TNNI3K: variants seen among roughly 807,000 people sequenced by gnomAD.
TNNI3K encodes the protein serine/threonine-protein kinase TNNI3K.
A neutral mutation model predicts 114.5 loss-of-function variants in TNNI3K; 140 were observed. The observed-to-expected ratio is 1.22, with a 90% CI of 1.07 to 1.41. The LOEUF (loss-of-function observed/expected upper bound fraction) is 1.41, where lower values mean the gene tolerates loss of function less well. TNNI3K is among the 40% of genes most tolerant of loss of function. TNNI3K has a pLI of 0.00. For synonymous variants in TNNI3K, 347 were observed against 347.5 expected, an observed-to-expected ratio of 1.00 and a Z score of 0.02; for missense variants, 1,125 against 1,007.6, an observed-to-expected ratio of 1.12 and a Z score of -1.58.
chr1:74,391,085 G>A (rs1047207898), intron 17 of TNNI3K, among the ~76,000 whole-genome samples: 5 of 151,890 alleles, frequency 3.3e-5, no homozygotes, highest in Non-Finnish European at 4.4e-5. Context: ...TTTTTGAGCT[G>A]AAATCTTACT....
At chr1:74,521,463 C>G (rs1199091376) in intron 23 of TNNI3K, among the ~76,000 whole-genome samples, 1 of 128,080 alleles carries the variant, frequency 7.8e-6, no homozygotes. Flanking sequence ...AAATCCTTAC[C>G]TTATCTCTCT....
intron 11 of TNNI3K, among the ~76,000 whole-genome samples, chr1:74,362,884 G>A (rs1331387980): frequency 6.6e-6 from 1 of 152,090 alleles, no homozygotes; most frequent in Non-Finnish European, 1.5e-5. Flanking sequence ...GAGATTTCAA[G>A]CTGGGAGAAG....
intron 4 of TNNI3K, among the ~76,000 whole-genome samples, chr1:74,267,843 T>TA (rs1200628802): frequency 1.3e-5 from 2 of 151,830 alleles, no homozygotes; most frequent in Non-Finnish European, 2.9e-5. Context: ...TAATATACTT[T>TA]AAAAAAATTC....
At chr1:74,417,712 G>A (rs1421778643) in intron 17 of TNNI3K, among the ~76,000 whole-genome samples, 2 of 150,998 alleles carry the variant, frequency 1.3e-5, no homozygotes, top group East Asian at 2.0e-4. Context: ...GTGTGTGTGT[G>A]TGTGTGTGTG....
intron 23 of TNNI3K, among the ~76,000 whole-genome samples, chr1:74,509,738 T>A (rs1670081595): frequency 1.4e-5 from 2 of 145,858 alleles, no homozygotes; most frequent in South Asian, 4.3e-4. Flanking sequence ...TTTTGAGTGA[T>A]CTGAATTTCT....
chr1:74,470,450 C>T (rs1186677354), intron 21 of TNNI3K: 1 of 400,486 alleles, frequency 2.5e-6, no homozygotes, highest in African/African-American at 2.1e-5. Flanking sequence ...CTGTCAATTC[C>T]TTTTTCGCTA....
intron 20 of TNNI3K, among the ~76,000 whole-genome samples, chr1:74,446,947 T>G: frequency 9.8e-6 from 1 of 101,686 alleles, no homozygotes; most frequent in African/African-American, 3.7e-5. Context: ...ACTGTAGCCT[T>G]GTAGTATAGT....
Position 74,370,241 on chromosome 1 carries a change from T to C in TNNI3K, c.1668-47T>C, listed in dbSNP as rs370079695. The C allele has an allele frequency of 6.7e-6, 10 of 1,488,528 alleles. No homozygotes were observed. In the African/African-American group the frequency reaches 9.9e-5, roughly 15 times the overall value. The allele number at this position is 1,488,528 out of a possible 1,614,324, so 92.2% of individuals were successfully genotyped here. On this transcript the variant is annotated intron_variant, in intron 16 of 24. Transcript: ENST00000326637. ...TTACACATCATTTGCTTTTTTGATA[T>C]TCGTTTTGACCATTTCATCTCTGTT...
intron 23 of TNNI3K, among the ~76,000 whole-genome samples, chr1:74,536,417 C>T (rs996180574): frequency 6.6e-6 from 1 of 152,106 alleles, no homozygotes; most frequent in African/African-American, 2.4e-5. Context: ...ACCCCTAAAG[C>T]ATGAATTAAT....
intron 5 of TNNI3K, among the ~76,000 whole-genome samples, chr1:74,315,738 G>A (rs753311622): frequency 1.3e-5 from 2 of 151,956 alleles, no homozygotes; most frequent in Non-Finnish European, 2.9e-5. Flanking sequence ...ATAGTTTCTG[G>A]CAATATGTAA....
intron 5 of TNNI3K, among the ~76,000 whole-genome samples, chr1:74,304,627 T>A (rs1658516401): frequency 6.6e-6 from 1 of 151,994 alleles, no homozygotes; most frequent in African/African-American, 2.4e-5. Context: ...TTTTTTTTTA[T>A]AGAAATGGGG....
intron 21 of TNNI3K, among the ~76,000 whole-genome samples, chr1:74,463,982 T>TA (rs1357499777): frequency 6.6e-6 from 1 of 152,256 alleles, no homozygotes; most frequent in Non-Finnish European, 1.5e-5. Flanking sequence ...ACCTGGGTCC[T>TA]AATCCCTCTC....
chr1:74,298,829 G>A (rs1343898473), intron 5 of TNNI3K, among the ~76,000 whole-genome samples: 1 of 152,040 alleles, frequency 6.6e-6, no homozygotes, highest in Admixed American at 6.5e-5. Flanking sequence ...TTTTAATTCT[G>A]AAGGAATCAG....
intron 23 of TNNI3K, among the ~76,000 whole-genome samples, chr1:74,530,181 C>T (rs1316672123): frequency 6.6e-6 from 1 of 152,198 alleles, no homozygotes; most frequent in African/African-American, 2.4e-5. Flanking sequence ...ATATCCATCA[C>T]ACTCATGTCT....
chr1:74,448,446 C>T (rs2100691220), intron 20 of TNNI3K, among the ~76,000 whole-genome samples: 1 of 145,908 alleles, frequency 6.9e-6, no homozygotes, highest in South Asian at 2.1e-4. Context: ...TAATTGAATA[C>T]CCTTTATTTC....
At chr1:74,303,844 C>T (rs1658469477) in intron 5 of TNNI3K, among the ~76,000 whole-genome samples, 1 of 152,040 alleles carries the variant, frequency 6.6e-6, no homozygotes, top group Non-Finnish European at 1.5e-5. Context: ...CCTACAGTAA[C>T]AGGAGTTTGG....
At chr1:74,534,634 A>G (rs1247171242) in intron 23 of TNNI3K, among the ~76,000 whole-genome samples, 1 of 152,144 alleles carries the variant, frequency 6.6e-6, no homozygotes, top group Non-Finnish European at 1.5e-5. Context: ...TCTTCTTGGG[A>G]CTTGCTTAAC....
intron 23 of TNNI3K, among the ~76,000 whole-genome samples, chr1:74,530,134 G>C (rs1018357268): frequency 5.3e-5 from 8 of 152,192 alleles, no homozygotes; most frequent in African/African-American, 1.9e-4. Flanking sequence ...CAGCCGTTAG[G>C]TGTCTACGTT....
At position 74,402,855 on chromosome 1, in the gene TNNI3K, A is replaced by T. The variant is rs79881191; in HGVS notation, c.1772+32463A>T. On this transcript the variant is annotated intron_variant, in intron 17 of 24. Coordinates refer to ENST00000326637, the MANE Select transcript of TNNI3K (RefSeq NM_015978.3). ...CTAACACAAATGTGTAAACTTTCTT[A>T]AAACATTATGAGTTTTTATTTTTTT... Among the ~76,000 whole-genome samples, 130 of 152,298 alleles carry T rather than the reference A, an allele frequency of 8.5e-4. 3 individuals are homozygous for T. In the East Asian group the frequency reaches 0.024, roughly 28 times the overall value.
Sources: gnomAD v4.1 joint callset for allele counts (sites outside exome capture counted in the v4.1 genomes callset) on GRCh38, gnomAD v4.1.1 for gene constraint, MANE v1.5 for transcripts, NCBI Gene and HGNC (gene_info 2026-07-23, HGNC 2026-07-21) for gene names.